The following TAFA2 variants were observed in gnomAD, a reference collection of about 807,000 sequenced individuals.
TAFA2 encodes the protein TAFA chemokine like family member 2.
Under a neutral mutation model 18.8 loss-of-function variants are expected in TAFA2, and 7 were observed. That is an observed-to-expected ratio of 0.37 (90% CI 0.21 to 0.70). The LOEUF is 0.70. Among genes scored for constraint, TAFA2 ranks in the 30% least tolerant of loss-of-function variants. TAFA2 has a pLI of 0.53. For synonymous variants in TAFA2, 60 were observed against 54.2 expected, an observed-to-expected ratio of 1.11 and a Z score of -0.47; for missense variants, 122 against 158.1, an observed-to-expected ratio of 0.77 and a Z score of 1.23.
intron 1 of TAFA2, among the ~76,000 whole-genome samples, chr12:62,240,729 G>GC (rs937386515): frequency 1.3e-5 from 2 of 152,062 alleles, no homozygotes; most frequent in African/African-American, 4.8e-5. Context: ...CAACCCCCAG[G>GC]CCACGGACCG....
chr12:61,898,411 G>T (rs1875949169), intron 1 of TAFA2, among the ~76,000 whole-genome samples: 1 of 152,210 alleles, frequency 6.6e-6, no homozygotes, highest in Non-Finnish European at 1.5e-5. Context: ...CTCCATGAGG[G>T]CTCCACCCCT....
upstream of TAFA2, among the ~76,000 whole-genome samples, chr12:62,193,199 A>G (rs1026633876): frequency 6.6e-6 from 1 of 152,228 alleles, no homozygotes; most frequent in African/African-American, 2.4e-5. Flanking sequence ...TAGTGATTAG[A>G]AGACTATTCA....
chr12:62,205,857 T>A (rs569381924), intron 1 of TAFA2, among the ~76,000 whole-genome samples: 1 of 152,276 alleles, frequency 6.6e-6, no homozygotes, highest in Non-Finnish European at 1.5e-5. Context: ...CCTGGTGGCA[T>A]GGGCTCACAA....
intron 1 of TAFA2, among the ~76,000 whole-genome samples, chr12:61,926,069 A>G (rs908314227): frequency 6.6e-6 from 1 of 152,202 alleles, no homozygotes; most frequent in Non-Finnish European, 1.5e-5. Flanking sequence ...AATACTATAA[A>G]CAACTCTACA....
chr12:62,108,834 G>T (rs568055506), intron 1 of TAFA2, among the ~76,000 whole-genome samples: 41 of 152,086 alleles, frequency 2.7e-4, no homozygotes, highest in African/African-American at 9.6e-4. Flanking sequence ...TGAAGGAGTT[G>T]TTTTTTTCTT....
intron 1 of TAFA2, among the ~76,000 whole-genome samples, chr12:62,044,737 C>G (rs1161023394): frequency 6.6e-6 from 1 of 152,132 alleles, no homozygotes; most frequent in African/African-American, 2.4e-5. Flanking sequence ...TAGGCTCCAT[C>G]TTTATCTTTC....
At chr12:62,007,640 C>A (rs1282450469) in intron 1 of TAFA2, among the ~76,000 whole-genome samples, 1 of 152,132 alleles carries the variant, frequency 6.6e-6, no homozygotes, top group Non-Finnish European at 1.5e-5. Context: ...AAAAAACAGA[C>A]CCCATCTTCT....
intron 2 of TAFA2, among the ~76,000 whole-genome samples, chr12:61,797,308 C>G (rs1389436043): frequency 6.6e-6 from 1 of 152,106 alleles, no homozygotes; most frequent in African/African-American, 2.4e-5. Flanking sequence ...CTGCCAGCTA[C>G]CAGTAACAGC....
intron 2 of TAFA2, among the ~76,000 whole-genome samples, chr12:61,755,841 AT>A (rs563819043): frequency 9.9e-5 from 15 of 152,016 alleles, no homozygotes; most frequent in South Asian, 2.1e-4. Context: ...TGTCTTCATT[AT>A]TTTTTTTCAG....
intron 1 of TAFA2, among the ~76,000 whole-genome samples, chr12:61,904,190 A>C (rs928385547): frequency 6.6e-6 from 1 of 152,108 alleles, no homozygotes; most frequent in Non-Finnish European, 1.5e-5. Context: ...TGTTCTAAAA[A>C]ATATAACACA....
chr12:61,938,553 C>G (rs971033494), intron 1 of TAFA2, among the ~76,000 whole-genome samples: 2 of 152,042 alleles, frequency 1.3e-5, no homozygotes, highest in Non-Finnish European at 2.9e-5. Context: ...CAATCCCACT[C>G]CTGGGTATCT....
intron 2 of TAFA2, among the ~76,000 whole-genome samples, chr12:61,822,462 G>T (rs530940452): frequency 1.3e-5 from 2 of 152,234 alleles, no homozygotes; most frequent in African/African-American, 4.8e-5. Context: ...TATTCTGTCA[G>T]AATAGAAACG....
intron 1 of TAFA2, among the ~76,000 whole-genome samples, chr12:62,159,905 A>G (rs551916092): frequency 5.9e-5 from 9 of 152,246 alleles, no homozygotes; most frequent in African/African-American, 2.2e-4. Context: ...GTAGGGGAAG[A>G]CTGTATTGGA....
At chr12:62,152,693 T>C (rs928370031) in intron 1 of TAFA2, among the ~76,000 whole-genome samples, 4 of 152,208 alleles carry the variant, frequency 2.6e-5, no homozygotes, top group Admixed American at 6.5e-5. Flanking sequence ...TGTACACAGC[T>C]GCAGCTACTT....
At chr12:61,896,136 A>T (rs1020130429) in intron 1 of TAFA2, among the ~76,000 whole-genome samples, 1 of 152,096 alleles carries the variant, frequency 6.6e-6, no homozygotes, top group Non-Finnish European at 1.5e-5. Flanking sequence ...GGTACCTAAA[A>T]TCTATGCTCA....
chr12:62,205,460 T>C (rs1437964222), intron 1 of TAFA2, among the ~76,000 whole-genome samples: 1 of 152,212 alleles, frequency 6.6e-6, no homozygotes, highest in African/African-American at 2.4e-5. Flanking sequence ...AGAGAGACTT[T>C]GGCCACTCCT....
At chr12:62,236,261 CT>C (rs61199215) in intron 1 of TAFA2, among the ~76,000 whole-genome samples, 40,379 of 113,758 alleles carry the variant, frequency 0.35, 5,734 homozygotes, top group Middle Eastern at 0.43. Context: ...TGTTTTTTTT[CT>C]TTTTTTTTTC....
intron 4 of TAFA2, among the ~76,000 whole-genome samples, chr12:61,721,179 T>C (rs1468432167): frequency 5.9e-5 from 9 of 151,484 alleles, no homozygotes; most frequent in Non-Finnish European, 1.2e-4. Context: ...TTACAAGAAA[T>C]TTAAAAAAAA....
intron 1 of TAFA2, among the ~76,000 whole-genome samples, chr12:61,971,023 T>C (rs1297274794): frequency 6.6e-6 from 1 of 151,506 alleles, no homozygotes; most frequent in Non-Finnish European, 1.5e-5. Context: ...AGTTATAAGA[T>C]ATAGCAAAAT....
Sources: gnomAD v4.1 joint callset for allele counts (sites outside exome capture counted in the v4.1 genomes callset) on GRCh38, gnomAD v4.1.1 for gene constraint, MANE v1.5 for transcripts, NCBI Gene and HGNC (gene_info 2026-07-23, HGNC 2026-07-21) for gene names.